EPSTI1: variants seen among roughly 807,000 people sequenced by gnomAD.
EPSTI1 encodes the protein epithelial-stromal interaction protein 1.
In EPSTI1, 66 loss-of-function variants were observed where a neutral mutation model predicts 49.9. The ratio of observed to expected loss-of-function variants is 1.32; its 90% CI spans 1.08 to 1.62. The LOEUF (loss-of-function observed/expected upper bound fraction) is 1.62. EPSTI1 is among the 40% of genes most tolerant of loss of function. The pLI, the probability that EPSTI1 is intolerant of heterozygous loss-of-function variation, is 0.00. For missense variants in EPSTI1, 394 were observed against 365.5 expected (o/e 1.08, Z -0.64); for synonymous variants, 137 against 130.7 (o/e 1.05, Z -0.33).
At position 42,992,120 on chromosome 13, in the gene EPSTI1, G is replaced by A. The variant is rs1167934861; in HGVS notation, c.46C>T (p.Pro16Ser). The A allele has an allele frequency of 1.2e-6, 2 of 1,608,710 alleles. No individual in the cohort carries two copies. Among genetic ancestry groups the A allele is most frequent in the Admixed American group, 1.7e-5 (1 of 58,764 alleles). ...GGATCCCGGGTCGGGCGGGAGGCAG[G>A]GGAGGCGCCGAGCCCGGAGTTCACC... ...RVVNSGLGAS[P>S]ASRPTRDPQD... Residue 16 changes from proline to serine, a missense_variant, in exon 1 of 11, where the codon CCT becomes TCT. Coordinates refer to ENST00000313624, the MANE Select transcript of EPSTI1 (RefSeq NM_033255.5).
chr13:42,978,044 T>A (rs1007747932), intron 1 of EPSTI1, among the ~76,000 whole-genome samples: 5 of 151,686 alleles, frequency 3.3e-5, no homozygotes, highest in Non-Finnish European at 7.4e-5. Context: ...TCCCAGCTAC[T>A]TGGGAGGCTG....
chr13:42,925,287 T>C (rs12869337), intron 7 of EPSTI1, among the ~76,000 whole-genome samples: 21,459 of 152,176 alleles, frequency 0.14, 1,903 homozygotes, highest in East Asian at 0.31. Context: ...TAACCTTGAG[T>C]TTTCCCTGTT....
rs1320768017 is a variant in EPSTI1, at chr13:42,900,394, T to C, written c.742-11A>G. On this transcript the variant is annotated splice_polypyrimidine_tract_variant and intron_variant, in intron 8 of 10. Coordinates refer to ENST00000313624, the MANE Select transcript of EPSTI1 (RefSeq NM_033255.5). ...TTCCAGTAATTCACTCTAGGAACAA[T>C]AAAAGTTTTAAAATATGGTTTTCAA... 2 of 1,612,770 alleles carry C rather than the reference T, an allele frequency of 1.2e-6. No homozygotes were observed. Among genetic ancestry groups the C allele is most frequent in the Admixed American group, 1.7e-5 (1 of 59,958 alleles).
chr13:42,950,189 T>G (rs2039052367), intron 6 of EPSTI1, among the ~76,000 whole-genome samples: 1 of 152,238 alleles, frequency 6.6e-6, no homozygotes, highest in African/African-American at 2.4e-5. Flanking sequence ...AGTAGCAGAC[T>G]TAATGCACCA....
intron 8 of EPSTI1, among the ~76,000 whole-genome samples, chr13:42,903,185 CAT>C (rs150060203): frequency 7.3e-5 from 11 of 150,236 alleles, no homozygotes; most frequent in African/African-American, 2.7e-4. Flanking sequence ...AAAATACATA[CAT>C]ATATATATAT....
intron 8 of EPSTI1, among the ~76,000 whole-genome samples, chr13:42,906,986 G>A (rs190290021): frequency 3.3e-5 from 5 of 152,282 alleles, no homozygotes; most frequent in African/African-American, 1.2e-4. Flanking sequence ...TTTGTAGTGA[G>A]AATATTCCAA....
At chr13:42,956,425 CAGG>C (rs1275477631) in intron 5 of EPSTI1, among the ~76,000 whole-genome samples, 3 of 152,070 alleles carry the variant, frequency 2.0e-5, no homozygotes, top group Admixed American at 6.5e-5. Flanking sequence ...AAGAGTGTTT[CAGG>C]AGGAGGAGAA....
At chr13:42,891,813 GT>G (rs1292193264) in intron 10 of EPSTI1, among the ~76,000 whole-genome samples, 1 of 152,146 alleles carries the variant, frequency 6.6e-6, no homozygotes, top group Non-Finnish European at 1.5e-5. Flanking sequence ...CCCCACCCTT[GT>G]AGAATGTGGA....
chr13:42,940,977 A>G (rs777986520), intron 6 of EPSTI1, among the ~76,000 whole-genome samples: 1 of 152,118 alleles, frequency 6.6e-6, no homozygotes, highest in Non-Finnish European at 1.5e-5. Flanking sequence ...GCCTTTATCC[A>G]TTATGTTTGA....
chr13:42,987,743 G>T (rs1257416033), intron 1 of EPSTI1, among the ~76,000 whole-genome samples: 3 of 152,126 alleles, frequency 2.0e-5, no homozygotes, highest in Non-Finnish European at 2.9e-5. Context: ...CCATCAATTA[G>T]ACAGTAAGCT....
chr13:42,952,676 G>A (rs1365176775), intron 6 of EPSTI1, among the ~76,000 whole-genome samples: 1 of 152,178 alleles, frequency 6.6e-6, no homozygotes, highest in African/African-American at 2.4e-5. Context: ...TGAGAGTGAT[G>A]CTCCTTTTAG....
At chr13:42,965,580 G>T (rs898236051) in intron 3 of EPSTI1, among the ~76,000 whole-genome samples, 4 of 152,198 alleles carry the variant, frequency 2.6e-5, no homozygotes, top group Non-Finnish European at 5.9e-5. Context: ...TCTGAGGAAA[G>T]ATGTCATTCT....
intron 9 of EPSTI1, among the ~76,000 whole-genome samples, chr13:42,897,061 C>T (rs111994732): frequency 0.065 from 9,723 of 149,416 alleles, 382 homozygotes; most frequent in Admixed American, 0.09. Context: ...GATGATGTCA[C>T]TGCACTCCAG....
chr13:42,966,747 T>C (rs1292598424), intron 3 of EPSTI1, among the ~76,000 whole-genome samples: 8 of 88,472 alleles, frequency 9.0e-5, no homozygotes, highest in South Asian at 5.4e-4. Flanking sequence ...GAGGGGCGCC[T>C]CCGCCCGGCC....
chr13:42,907,662 A>T (rs1362066158), intron 8 of EPSTI1, among the ~76,000 whole-genome samples: 1 of 152,158 alleles, frequency 6.6e-6, no homozygotes, highest in Non-Finnish European at 1.5e-5. Flanking sequence ...TATTATTCAT[A>T]TTTTTCTAAA....
chr13:42,906,733 A>G (rs903098411), intron 8 of EPSTI1, among the ~76,000 whole-genome samples: 3 of 152,214 alleles, frequency 2.0e-5, no homozygotes, highest in African/African-American at 4.8e-5. Context: ...AGAAGCTACC[A>G]CCCAAAATTT....
intron 3 of EPSTI1, among the ~76,000 whole-genome samples, chr13:42,968,237 C>T (rs149085716): frequency 1.2e-4 from 18 of 151,986 alleles, no homozygotes; most frequent in Middle Eastern, 3.4e-3. Flanking sequence ...GCCCTTTTCA[C>T]GAAATACAGT....
intron 9 of EPSTI1, among the ~76,000 whole-genome samples, chr13:42,897,931 T>G (rs2037242764): frequency 6.6e-6 from 1 of 152,252 alleles, no homozygotes; most frequent in South Asian, 2.1e-4. Flanking sequence ...AGGGTTAATT[T>G]GGATAAAAAC....
At chr13:42,968,735 G>C (rs1027659595) in intron 3 of EPSTI1, among the ~76,000 whole-genome samples, 4 of 151,860 alleles carry the variant, frequency 2.6e-5, no homozygotes, top group African/African-American at 7.3e-5. Context: ...TAATATGCTT[G>C]TGCCAGCATT....
Sources: allele counts gnomAD v4.1 joint callset (sites outside exome capture counted in the v4.1 genomes callset), GRCh38; gene constraint gnomAD v4.1.1; transcripts MANE v1.5; gene names NCBI Gene and HGNC (gene_info 2026-07-23, HGNC 2026-07-21).